The following ADAM7 variants were observed in gnomAD, a reference collection of about 807,000 sequenced individuals.
ADAM7 encodes the protein ADAM metallopeptidase domain 7, also known as disintegrin and metalloproteinase domain-containing protein 7.
Under a neutral mutation model 102.9 loss-of-function variants are expected in ADAM7, and 97 were observed. The observed-to-expected ratio is 0.94, with a 90% CI of 0.80 to 1.12. The LOEUF (loss-of-function observed/expected upper bound fraction) is 1.12, where lower values mean the gene tolerates loss of function less well. Among genes scored for constraint, ADAM7 ranks in the 50% most tolerant of loss-of-function variants. The pLI is 0.00. For missense variants in ADAM7, 991 were observed against 908.7 expected (o/e 1.09, Z -1.16); for synonymous variants, 334 against 304.4 (o/e 1.10, Z -1.01).
chr8:24,492,559 C>A lies in ADAM7; in HGVS notation c.1617C>A (p.Cys539Ter). ...MNTKGNKFGYCKNKENRFLPC... is the reference protein window; with the variant it reads ...MNTKGNKFGY ...CAAAAGGAAATAAATTTGGATACTG[C>A]AAAAACAAGGAAAACAGATTTCTTC... The change falls in exon 15 of 22, where the codon TGC (cysteine) becomes TGA (stop). Residue 539 changes from cysteine (C) to a stop codon, truncating the protein, a stop_gained. Transcript: ENST00000175238. LOFTEE classifies it high-confidence loss of function. 6.2e-7 allele frequency: 1 copy of A among 1,612,844 alleles called. No individual in the cohort carries two copies. The highest frequency in any genetic ancestry group is 2.2e-5 in the East Asian group (1 of 44,808).
rs1026566988 is a variant in ADAM7, at chr8:24,509,154, T to C, written c.*608T>C. 14 of 985,470 alleles carry C rather than the reference T, an allele frequency of 1.4e-5. No individual in the cohort carries two copies. The highest frequency in any genetic ancestry group is 1.7e-5 in the Non-Finnish European group (14 of 829,972). The allele number at this position is 985,470 out of a possible 1,614,324, so 61.0% of individuals were successfully genotyped here. A position where few individuals can be genotyped will look rare whatever the true frequency, so the allele number is the denominator to read the frequency against. ...GAAAACACAGAATGCTCCTGGCAAT[T>C]CTAAATTCCTAGGTTTGCCTTTCTA... On this transcript the variant is annotated 3_prime_UTR_variant, in exon 22 of 22. Transcript: ENST00000175238.
At chr8:24,457,826 T>C (rs1819092081) in intron 3 of ADAM7, among the ~76,000 whole-genome samples, 1 of 151,652 alleles carries the variant, frequency 6.6e-6, no homozygotes, top group African/African-American at 2.4e-5. Context: ...TTTTGGTCTG[T>C]TATGACCTTA....
rs758314553 is a variant in ADAM7 at position 24,501,515 on chromosome 8, A to G, written c.2147A>G (p.Tyr716Cys). 16 of 1,608,686 alleles carry G rather than the reference A, an allele frequency of 9.9e-6. No individual in the cohort carries two copies. The highest frequency in any genetic ancestry group is 1.4e-5 in the Non-Finnish European group (16 of 1,178,298). ...ACCCTGGGAGTGGAGAACAAAGGAT[A>G]CTTTGGTGATGAGCAGCAGATAAGG... The part of the protein sequence containing the change: ...TETLGVENKG[Y>C]FGDEQQIRTE... The change falls in exon 20 of 22, where the codon TAC (tyrosine) becomes TGC (cysteine). Residue 716 changes from tyrosine (Y) to cysteine (C), a missense_variant. Tyr to Cys is a radical substitution (Grantham distance 194). Transcript: ENST00000175238.
intron 1 of ADAM7, among the ~76,000 whole-genome samples, chr8:24,441,739 G>A (rs947860429): frequency 2.0e-5 from 3 of 152,134 alleles, no homozygotes; most frequent in Non-Finnish European, 2.9e-5. Flanking sequence ...ACAGGTAAAG[G>A]TCTTATACTT....
At position 24,505,358 on chromosome 8, in the gene ADAM7, A is replaced by T. The variant is rs10086380; in HGVS notation, c.2209-2122A>T. On this transcript the variant is annotated intron_variant, in intron 20 of 21. Transcript: ENST00000175238. ...AAATGAGGGGCACCTAGAAGAGAAG[A>T]TGAATAAATATCTGTTGAATATGTG... Among the ~76,000 whole-genome samples the T allele has an allele frequency of 4.9e-3, 752 of 152,258 alleles. 8 individuals are homozygous for T. The highest frequency in any genetic ancestry group is 0.017 in the African/African-American group (718 of 41,560).
intron 6 of ADAM7, chr8:24,467,485 A>T (rs979754518): frequency 2.5e-5 from 4 of 157,682 alleles, no homozygotes; most frequent in African/African-American, 9.6e-5. Context: ...ACTAATCCAT[A>T]TCCCCTTAAA....
intron 7 of ADAM7, among the ~76,000 whole-genome samples, chr8:24,470,451 G>A (rs886374784): frequency 1.7e-4 from 26 of 151,852 alleles, no homozygotes; most frequent in Non-Finnish European, 2.5e-4. Flanking sequence ...AAAGGGTAGA[G>A]GGAAATAGGT....
Position 24,452,199 on chromosome 8 carries a change from T to C in ADAM7, c.233+4937T>C, listed in dbSNP as rs549411135. On this transcript the variant is annotated intron_variant, in intron 3 of 21. Transcript: ENST00000175238. The stretch of plus-strand genomic sequence containing the variant: ...TGCAGAGCTGAGTTCAATTCCTGGG[T>C]ATCCTTGTTAACTTTCTGTCTCGTT... Among the ~76,000 whole-genome samples, 3 of 151,166 alleles carry C rather than the reference T, an allele frequency of 2.0e-5. No homozygotes were observed. The East Asian group carries it at 5.8e-4, about 29-fold the overall frequency.
At chr8:24,464,047 G>C (rs1347869609) in intron 4 of ADAM7, 87 bp downstream of exon 4, 4 of 1,153,172 alleles carry the variant, frequency 3.5e-6, no homozygotes, top group Non-Finnish European at 5.1e-6. Context: ...TGTACAAGCT[G>C]TTTCAGAAAG....
Position 24,441,177 on chromosome 8 carries a change from T to C in ADAM7, c.52+17T>C. 6 of 1,599,720 alleles carry C rather than the reference T, an allele frequency of 3.8e-6. No homozygotes were observed. Among genetic ancestry groups the C allele is most frequent in the Non-Finnish European group, 5.1e-6 (6 of 1,166,908 alleles). On this transcript the variant is annotated intron_variant, in intron 1 of 21. Coordinates refer to ENST00000175238, the MANE Select transcript of ADAM7 (RefSeq NM_003817.4). ...AGGTTAAAGGTATGTCTTGCTCTTT[T>C]TATCAGGACTTTCTTATTATGCTGT...
intron 15 of ADAM7, 82 bp from the exon 16 acceptor site, chr8:24,492,961 G>A (rs945984828): frequency 7.3e-7 from 1 of 1,366,916 alleles, no homozygotes; most frequent in Non-Finnish European, 9.7e-7. Context: ...TAGAAAAAGA[G>A]TGACCGGGAG....
At chr8:24,493,719 T>C (rs1197374996) in intron 16 of ADAM7, among the ~76,000 whole-genome samples, 2 of 152,166 alleles carry the variant, frequency 1.3e-5, no homozygotes, top group African/African-American at 4.8e-5. Context: ...AAAGGAAAAG[T>C]GGCTGACTTT....
At chr8:24,490,528 T>G (rs897808486) in intron 12 of ADAM7, 2 of 328,556 alleles carry the variant, frequency 6.1e-6, no homozygotes, top group Non-Finnish European at 1.1e-5. Context: ...TGGAGATAAT[T>G]AGGATAACTG....
In ADAM7 at chr8:24,508,479, A is replaced by C. The variant is rs1821024385; in HGVS notation, c.*-67A>C. The stretch of plus-strand genomic sequence containing the variant: ...TTCTAATTAGTAGATATAAATGAGT[A>C]ATGGAAATACATGGTTCACAGATTT... On this transcript the variant is annotated intron_variant, in intron 21 of 21. Coordinates refer to ENST00000175238, the MANE Select transcript of ADAM7 (RefSeq NM_003817.4). The C allele has an allele frequency of 4.0e-6, 6 of 1,497,418 alleles. No individual in the cohort carries two copies. The Admixed American group carries it at 1.0e-4, about 25-fold the overall frequency. The allele number at this position is 1,497,418 out of a possible 1,614,324, so 92.8% of individuals were successfully genotyped here.
At chr8:24,464,715 C>A (rs1255035634) in intron 4 of ADAM7, among the ~76,000 whole-genome samples, 2 of 152,102 alleles carry the variant, frequency 1.3e-5, no homozygotes, top group East Asian at 3.9e-4. Context: ...ATTCTCCTGC[C>A]TCAGCCATCC....
At chr8:24,473,593 G>A (rs550993886) in intron 7 of ADAM7, among the ~76,000 whole-genome samples, 21 of 152,224 alleles carry the variant, frequency 1.4e-4, no homozygotes, top group Middle Eastern at 6.8e-3. Context: ...CTTATAAAAA[G>A]ATATAGATAC....
intron 7 of ADAM7, 112 bp from the exon 8 acceptor site, chr8:24,476,321 T>C (rs1819765578): frequency 1.4e-6 from 1 of 725,920 alleles, no homozygotes; most frequent in Non-Finnish European, 2.2e-6. Context: ...TTCTCTTTCT[T>C]CATTAGGCCA....
chr8:24,456,850 C>T (rs1220524354), intron 3 of ADAM7, among the ~76,000 whole-genome samples: 1 of 152,168 alleles, frequency 6.6e-6, no homozygotes, highest in Non-Finnish European at 1.5e-5. Flanking sequence ...CATCCACTCT[C>T]CTATTGATAG....
intron 3 of ADAM7, among the ~76,000 whole-genome samples, chr8:24,457,752 C>T (rs544008275): frequency 3.6e-4 from 54 of 152,024 alleles, no homozygotes; most frequent in Admixed American, 2.8e-3. Context: ...GAAAAATTGC[C>T]TAACTGCAAA....
Sources: allele counts gnomAD v4.1 joint callset (sites outside exome capture counted in the v4.1 genomes callset), GRCh38; gene constraint gnomAD v4.1.1; transcripts MANE v1.5; gene names NCBI Gene and HGNC (gene_info 2026-07-23, HGNC 2026-07-21).